The following SGCZ variants were observed in gnomAD, a reference collection of about 807,000 sequenced individuals.
The protein encoded by SGCZ is zeta-sarcoglycan.
SGCZ carries 40 observed loss-of-function variants against 41.3 expected under a neutral mutation model. That is an observed-to-expected ratio of 0.97 (90% CI 0.75 to 1.26). The LOEUF is 1.26. SGCZ is among the 50% of genes most tolerant of loss of function. The pLI, the probability that SGCZ is intolerant of heterozygous loss-of-function variation, is 0.00. For missense variants in SGCZ, 552 were observed against 369.8 expected, an observed-to-expected ratio of 1.49 and a Z score of -4.04; for synonymous variants, 206 against 137.5, an observed-to-expected ratio of 1.50 and a Z score of -3.49.
At chr8:14,194,581 T>A (rs1295601265) in intron 4 of SGCZ, among the ~76,000 whole-genome samples, 1 of 151,904 alleles carries the variant, frequency 6.6e-6, no homozygotes, top group Non-Finnish European at 1.5e-5. Context: ...AATAATAACA[T>A]AATAATAAAA....
intron 1 of SGCZ, among the ~76,000 whole-genome samples, chr8:15,185,261 A>G (rs1043544638): frequency 6.6e-6 from 1 of 152,230 alleles, no homozygotes; most frequent in African/African-American, 2.4e-5. Context: ...TTTCCACTGA[A>G]GAATTAACAA....
At chr8:14,669,939 C>T (rs147850285) in intron 1 of SGCZ, among the ~76,000 whole-genome samples, 43 of 152,252 alleles carry the variant, frequency 2.8e-4, no homozygotes, top group African/African-American at 9.1e-4. Flanking sequence ...AATACAATGT[C>T]CATGTCTTGT....
chr8:15,008,552 T>G (rs111926217), intron 1 of SGCZ, among the ~76,000 whole-genome samples: 343 of 23,786 alleles, frequency 0.014, 2 homozygotes, highest in South Asian at 0.025. Flanking sequence ...AGGGAGGGAG[T>G]GAGGGAGGGA....
In SGCZ at chr8:15,237,681, A is replaced by G; in HGVS notation, c.-58T>C. ...GGCGAGTGGCACCCAAAAACAATCT[A>G]GTCTTTTAGTTTCCAGCTTAAACTC... is the stretch of plus-strand genomic sequence containing the variant. On this transcript the variant is annotated 5_prime_UTR_variant, in exon 1 of 8. The change abolishes the stop of an existing upstream ORF in the 5' untranslated region. Coordinates refer to ENST00000382080, the MANE Select transcript of SGCZ (RefSeq NM_139167.4). The G allele has an allele frequency of 1.3e-6, 2 of 1,542,636 alleles. No individual in the cohort carries two copies. Among genetic ancestry groups the G allele is most frequent in the Non-Finnish European group, 8.8e-7 (1 of 1,137,666 alleles).
At chr8:14,538,184 T>C (rs905508336) in intron 2 of SGCZ, among the ~76,000 whole-genome samples, 1 of 151,998 alleles carries the variant, frequency 6.6e-6, no homozygotes, top group Non-Finnish European at 1.5e-5. Context: ...CTTGTCCCCA[T>C]CCTACATTTG....
chr8:15,171,741 A>C (rs927692486), intron 1 of SGCZ, among the ~76,000 whole-genome samples: 4 of 152,204 alleles, frequency 2.6e-5, no homozygotes, highest in Non-Finnish European at 5.9e-5. Flanking sequence ...GTTGTAGATG[A>C]TTTGCATGCA....
At chr8:14,268,956 G>A (rs538675477) in intron 3 of SGCZ, among the ~76,000 whole-genome samples, 36 of 151,558 alleles carry the variant, frequency 2.4e-4, no homozygotes, top group African/African-American at 3.9e-4. Flanking sequence ...TATCTTAAGT[G>A]CCATTACAGG....
At chr8:14,693,580 G>A (rs1808868034) in intron 1 of SGCZ, among the ~76,000 whole-genome samples, 1 of 128,446 alleles carries the variant, frequency 7.8e-6, no homozygotes, top group African/African-American at 3.1e-5. Flanking sequence ...TACCACGACT[G>A]GCTTTTTTTT....
chr8:14,809,280 T>C (rs1051874815), intron 1 of SGCZ, among the ~76,000 whole-genome samples: 3 of 151,754 alleles, frequency 2.0e-5, no homozygotes, highest in Non-Finnish European at 4.4e-5. Flanking sequence ...GAGCAAACTG[T>C]TTCAAAGGAG....
At chr8:14,636,178 C>G (rs1004252236) in intron 1 of SGCZ, among the ~76,000 whole-genome samples, 2 of 151,796 alleles carry the variant, frequency 1.3e-5, no homozygotes, top group African/African-American at 4.8e-5. Flanking sequence ...AGGAAATATA[C>G]TGGTAGATGA....
At chr8:14,552,787 A>C (rs1259217218) in intron 2 of SGCZ, among the ~76,000 whole-genome samples, 1 of 152,024 alleles carries the variant, frequency 6.6e-6, no homozygotes, top group Non-Finnish European at 1.5e-5. Context: ...TAGCCATGTA[A>C]TTACGCATTT....
At chr8:15,097,591 A>C (rs1000379302) in intron 1 of SGCZ, among the ~76,000 whole-genome samples, 1 of 151,756 alleles carries the variant, frequency 6.6e-6, no homozygotes, top group Non-Finnish European at 1.5e-5. Flanking sequence ...CTCTACAAAA[A>C]TAAAAATTAA....
intron 4 of SGCZ, among the ~76,000 whole-genome samples, chr8:14,176,289 T>A (rs929786552): frequency 7.2e-5 from 11 of 152,210 alleles, no homozygotes; most frequent in African/African-American, 2.7e-4. Context: ...AATTTTAACA[T>A]ATTACATCAT....
At chr8:14,564,633 C>T (rs1804304967) in intron 1 of SGCZ, among the ~76,000 whole-genome samples, 1 of 152,140 alleles carries the variant, frequency 6.6e-6, no homozygotes, top group Non-Finnish European at 1.5e-5. Flanking sequence ...TAGTGATCCC[C>T]TACTTAAGTA....
intron 4 of SGCZ, among the ~76,000 whole-genome samples, chr8:14,205,414 G>C (rs1321359547): frequency 6.6e-6 from 1 of 152,050 alleles, no homozygotes; most frequent in Non-Finnish European, 1.5e-5. Context: ...ATGTTATTCT[G>C]CTTTTTAATG....
intron 1 of SGCZ, among the ~76,000 whole-genome samples, chr8:14,646,444 A>G (rs1807219787): frequency 6.6e-6 from 1 of 151,760 alleles, no homozygotes; most frequent in Non-Finnish European, 1.5e-5. Flanking sequence ...TCATTATCCA[A>G]CCCACTGTTG....
intron 2 of SGCZ, among the ~76,000 whole-genome samples, chr8:14,404,177 G>C (rs1436737697): frequency 6.6e-6 from 1 of 152,076 alleles, no homozygotes; most frequent in Non-Finnish European, 1.5e-5. Flanking sequence ...CACATACTTA[G>C]ACTAAGCTGT....
chr8:14,188,824 G>GTTT (rs145555540), intron 4 of SGCZ, among the ~76,000 whole-genome samples: 128 of 62,344 alleles, frequency 2.1e-3, no homozygotes, highest in African/African-American at 0.011. Flanking sequence ...TTGTTTCTTT[G>GTTT]TTTTTTTTTG....
At chr8:14,372,557 G>A (rs919894753) in intron 2 of SGCZ, among the ~76,000 whole-genome samples, 5 of 152,116 alleles carry the variant, frequency 3.3e-5, no homozygotes, top group African/African-American at 9.7e-5. Flanking sequence ...AGTGGACAAA[G>A]GGTAGGAAGT....
Sources: gnomAD v4.1 joint callset for allele counts (sites outside exome capture counted in the v4.1 genomes callset) on GRCh38, gnomAD v4.1.1 for gene constraint, MANE v1.5 for transcripts, NCBI Gene and HGNC (gene_info 2026-07-23, HGNC 2026-07-21) for gene names.